DOCK1: variants seen among roughly 807,000 people sequenced by gnomAD.
DOCK1 encodes the protein dedicator of cytokinesis protein 1.
Under a neutral mutation model 262.7 loss-of-function variants are expected in DOCK1, and 138 were observed. The ratio of observed to expected loss-of-function variants is 0.53; its 90% CI spans 0.46 to 0.61. The LOEUF is 0.61. Ranked by LOEUF, DOCK1 falls within the 20% of genes least tolerant of loss-of-function variation. The probability of loss-of-function intolerance (pLI) is 0.00; values close to 1 mark genes in which losing one functional copy is unlikely to be tolerated. For synonymous variants in DOCK1, 866 were observed against 867.4 expected, an observed-to-expected ratio of 1.00 and a Z score of 0.03; for missense variants, 1,908 against 2,370.7, an observed-to-expected ratio of 0.80 and a Z score of 4.05.
chr10:127,171,599 T>C lies in DOCK1; in HGVS notation c.2847+43835T>C, dbSNP rs1032624563. 2.6e-5 allele frequency among the ~76,000 whole-genome samples: 4 copies of C among 152,194 alleles called. No individual in the cohort carries two copies. The East Asian group carries it at 5.8e-4, about 22-fold the overall frequency. Reference sequence around the variant, plus strand: ...TGTTGGAAGCCCCTGTATGCTTTATTGGGGTGGCAAGTGGGGAGAGGAACT... The same window carrying C: ...TGTTGGAAGCCCCTGTATGCTTTATCGGGGTGGCAAGTGGGGAGAGGAACT... On this transcript the variant is annotated intron_variant, in intron 27 of 51. Transcript: ENST00000623213.
At chr10:127,202,140 T>C (rs2057490985) in intron 27 of DOCK1, among the ~76,000 whole-genome samples, 1 of 152,118 alleles carries the variant, frequency 6.6e-6, no homozygotes, top group South Asian at 2.1e-4. Flanking sequence ...CTGGCCACTA[T>C]GGTGAAAGCT....
chr10:127,385,054 T>G, intron 38 of DOCK1, 145 bp downstream of exon 38: 1 of 1,079,072 alleles, frequency 9.3e-7, no homozygotes, highest in Non-Finnish European at 1.2e-6. Context: ...GCATGTTCCT[T>G]CAGCTTGCAC....
At chr10:127,204,911 ACC>A (rs565254891) in intron 27 of DOCK1, among the ~76,000 whole-genome samples, 1 of 151,986 alleles carries the variant, frequency 6.6e-6, no homozygotes, top group East Asian at 1.9e-4. Flanking sequence ...CAGATCAGTC[ACC>A]CTCCCCATTT....
In DOCK1 at chr10:127,175,077, G is replaced by A. The variant is rs970112397; in HGVS notation, c.2847+47313G>A. Reference sequence around the variant, plus strand: ...AATAATCTGCGACCCCTTGGAGCTCGCCACGCCCTTAGACTATGACCTGTT... The same window carrying A: ...AATAATCTGCGACCCCTTGGAGCTCACCACGCCCTTAGACTATGACCTGTT... On this transcript the variant is annotated intron_variant, in intron 27 of 51. Coordinates refer to ENST00000623213, the MANE Select transcript of DOCK1 (RefSeq NM_001290223.2). The surrounding 1 kb of genome is among the most constrained non-coding windows in gnomAD (Gnocchi z 6.3). 9.3e-6 allele frequency: 7 copies of A among 748,748 alleles called. No homozygotes were observed. Among genetic ancestry groups the A allele is most frequent in the Admixed American group, 4.9e-5 (2 of 40,850 alleles). The allele number at this position is 748,748 out of a possible 1,614,324, so 46.4% of individuals were successfully genotyped here.
At chr10:127,075,751 C>T (rs1294131382) in intron 23 of DOCK1, among the ~76,000 whole-genome samples, 1 of 152,076 alleles carries the variant, frequency 6.6e-6, no homozygotes, top group South Asian at 2.1e-4. Context: ...GGTCTGCCCC[C>T]GTGATTTAGT....
At chr10:127,163,335 G>A (rs1190022256) in intron 27 of DOCK1, among the ~76,000 whole-genome samples, 2 of 151,830 alleles carry the variant, frequency 1.3e-5, no homozygotes, top group Admixed American at 6.6e-5. Context: ...AGACTTCTCC[G>A]CCACATTTAT....
intron 50 of DOCK1, among the ~76,000 whole-genome samples, chr10:127,445,022 C>T (rs2070445359): frequency 6.6e-6 from 1 of 152,074 alleles, no homozygotes; most frequent in African/African-American, 2.4e-5. Context: ...GATGATCTCA[C>T]CTTGAGATCC....
chr10:127,106,194 T>G, intron 23 of DOCK1, 37 bp from the exon 24 acceptor site: 1 of 1,559,500 alleles, frequency 6.4e-7, no homozygotes, highest in South Asian at 1.2e-5. Flanking sequence ...CTCCCTAACC[T>G]GCATGCTGCT....
intron 1 of DOCK1, among the ~76,000 whole-genome samples, chr10:126,959,543 C>A (rs2037025934): frequency 1.3e-5 from 2 of 152,260 alleles, no homozygotes; most frequent in South Asian, 4.1e-4. Context: ...GTTTAGCCCA[C>A]ACATGGAAGG....
At chr10:127,084,428 C>T (rs1007828014) in intron 23 of DOCK1, among the ~76,000 whole-genome samples, 6 of 152,258 alleles carry the variant, frequency 3.9e-5, no homozygotes, top group South Asian at 2.1e-4. Context: ...ATACTGGGGT[C>T]GTGGCTGTCC....
At chr10:127,011,738 C>T (rs183472417) in intron 11 of DOCK1, among the ~76,000 whole-genome samples, 2 of 152,124 alleles carry the variant, frequency 1.3e-5, no homozygotes, top group Admixed American at 6.5e-5. Flanking sequence ...GTACGTAGTC[C>T]AGGAGGGTAG....
At chr10:126,934,256 A>T (rs2034393088) in intron 1 of DOCK1, among the ~76,000 whole-genome samples, 1 of 152,224 alleles carries the variant, frequency 6.6e-6, no homozygotes. Flanking sequence ...TACCAAAACA[A>T]AACAGCCTGG....
rs1477826814 is a variant in DOCK1, at chr10:127,452,225, G to C, written c.*798G>C. On this transcript the variant is annotated 3_prime_UTR_variant, in exon 52 of 52. Transcript: ENST00000623213. ...TCTTAGAACTTGTTTTAATTTTTGTGGTCCTTCCGTTTATTATAATAGGCG... is the reference window on the plus strand; with the variant it reads ...TCTTAGAACTTGTTTTAATTTTTGTCGTCCTTCCGTTTATTATAATAGGCG... 1 of 152,296 alleles carries C rather than the reference G, an allele frequency of 6.6e-6. No individual in the cohort carries two copies. Among genetic ancestry groups the C allele is most frequent in the East Asian group, 1.9e-4 (1 of 5,180 alleles). 9.4% of individuals were successfully genotyped at this position (152,296 alleles called of 1,614,324 possible).
At chr10:127,284,909 G>T (rs1035641223) in intron 29 of DOCK1, among the ~76,000 whole-genome samples, 1 of 152,186 alleles carries the variant, frequency 6.6e-6, no homozygotes, top group African/African-American at 2.4e-5. Context: ...GAGACAGGTG[G>T]ATTGCTTGAG....
At chr10:127,212,045 GAAT>G (rs1054762533) in intron 27 of DOCK1, among the ~76,000 whole-genome samples, 3 of 152,196 alleles carry the variant, frequency 2.0e-5, no homozygotes, top group African/African-American at 7.2e-5. Flanking sequence ...ATGCTTTGGT[GAAT>G]AAGCATATAT....
chr10:127,125,674 T>C (rs1309615342), intron 26 of DOCK1, 73 bp downstream of exon 26: 2 of 1,556,664 alleles, frequency 1.3e-6, no homozygotes, highest in African/African-American at 2.7e-5. Context: ...TACAACTTTA[T>C]TCAGTTAAAA....
chr10:127,378,672 C>T (rs990628264), intron 35 of DOCK1, among the ~76,000 whole-genome samples: 2 of 152,038 alleles, frequency 1.3e-5, no homozygotes, highest in Non-Finnish European at 2.9e-5. Flanking sequence ...ATGATCAAAA[C>T]CTTAGAAAGG....
intron 3 of DOCK1, among the ~76,000 whole-genome samples, chr10:126,980,944 C>T (rs1002158873): frequency 6.7e-6 from 1 of 149,716 alleles, no homozygotes. Flanking sequence ...CAGGACCCTA[C>T]GTTTTTTTTT....
chr10:127,008,805 G>GT lies in DOCK1; in HGVS notation c.1058+2dup. ...AGCAGCATTTCATTCCCTTTCAGCCGTAAGTATGGAGCAATTCAAGTACTT... is the reference window on the plus strand; with the variant it reads ...AGCAGCATTTCATTCCCTTTCAGCCGTTAAGTATGGAGCAATTCAAGTACTT... On this transcript the variant is annotated splice_donor_variant, in intron 11 of 51. Transcript: ENST00000623213. LOFTEE classifies it high-confidence loss of function. 6.3e-7 allele frequency: 1 copy of GT among 1,596,406 alleles called. No individual in the cohort carries two copies. The highest frequency in any genetic ancestry group is 8.5e-7 in the Non-Finnish European group (1 of 1,170,482).
Sources: gnomAD v4.1 joint callset for allele counts (sites outside exome capture counted in the v4.1 genomes callset) on GRCh38, gnomAD v4.1.1 for gene constraint, Gnocchi (gnomAD v3.1) non-coding constraint, MANE v1.5 for transcripts, NCBI Gene and HGNC (gene_info 2026-07-23, HGNC 2026-07-21) for gene names.